PTPRO: variants seen among roughly 807,000 people sequenced by gnomAD.
PTPRO encodes the protein protein tyrosine phosphatase receptor type O.
Under a neutral mutation model 145.2 loss-of-function variants are expected in PTPRO, and 62 were observed. The ratio of observed to expected loss-of-function variants is 0.43; its 90% CI spans 0.35 to 0.53. The LOEUF (loss-of-function observed/expected upper bound fraction) is 0.53. Ranked by LOEUF, PTPRO falls within the 20% of genes least tolerant of loss-of-function variation. The pLI, the probability that PTPRO is intolerant of heterozygous loss-of-function variation, is 0.01. For missense variants in PTPRO, 1,345 were observed against 1,482.7 expected (o/e 0.91, Z 1.53); for synonymous variants, 565 against 514.7 (o/e 1.10, Z -1.32).
intron 1 of PTPRO, among the ~76,000 whole-genome samples, chr12:15,324,638 G>A (rs559465051): frequency 6.6e-6 from 1 of 152,158 alleles, no homozygotes; most frequent in East Asian, 1.9e-4. Context: ...AATTTTGTAA[G>A]AAAAATCATT....
At chr12:15,503,866 G>A in intron 5 of PTPRO, 42 bp from the exon 6 acceptor site, 1 of 1,502,616 alleles carries the variant, frequency 6.7e-7, no homozygotes, top group Non-Finnish European at 9.2e-7. Context: ...GGCCTTTCCA[G>A]GTGTCTATTC....
chr12:15,338,611 T>A (rs904977201), intron 1 of PTPRO, among the ~76,000 whole-genome samples: 1 of 152,154 alleles, frequency 6.6e-6, no homozygotes, highest in Non-Finnish European at 1.5e-5. Context: ...AACATTTTAA[T>A]GACTCTTCAG....
At chr12:15,336,165 T>C (rs1866755568) in intron 1 of PTPRO, among the ~76,000 whole-genome samples, 1 of 151,862 alleles carries the variant, frequency 6.6e-6, no homozygotes, top group Non-Finnish European at 1.5e-5. Flanking sequence ...CATTCCAAAA[T>C]AGCTACCATC....
At chr12:15,576,962 GAACT>G (rs1365124771) in intron 19 of PTPRO, among the ~76,000 whole-genome samples, 2 of 152,022 alleles carry the variant, frequency 1.3e-5, no homozygotes, top group East Asian at 1.9e-4. Flanking sequence ...CTACCAAAAG[GAACT>G]AACCTAAACA....
intron 12 of PTPRO, among the ~76,000 whole-genome samples, chr12:15,542,344 A>C (rs1429509866): frequency 2.6e-5 from 4 of 152,208 alleles, no homozygotes; most frequent in African/African-American, 9.7e-5. Context: ...AATTTCACTA[A>C]AAGTATCTCA....
intron 22 of PTPRO, 125 bp from the exon 23 acceptor site, chr12:15,581,554 G>A: frequency 8.7e-7 from 1 of 1,144,232 alleles, no homozygotes; most frequent in Non-Finnish European, 1.3e-6. Context: ...TTTGCTTTAT[G>A]TTTCATCTTC....
chr12:15,343,438 G>A (rs970915347), intron 1 of PTPRO, among the ~76,000 whole-genome samples: 2 of 151,938 alleles, frequency 1.3e-5, no homozygotes, highest in African/African-American at 4.8e-5. Flanking sequence ...TATAATCTCA[G>A]CATTTTGGGA....
intron 1 of PTPRO, among the ~76,000 whole-genome samples, chr12:15,459,753 A>G (rs1941259963): frequency 6.6e-6 from 1 of 152,234 alleles, no homozygotes; most frequent in Non-Finnish European, 1.5e-5. Flanking sequence ...TTTCATGCAC[A>G]CTATCTCATT....
chr12:15,557,394 A>T, intron 15 of PTPRO, 61 bp from the exon 16 acceptor site: 2 of 1,391,890 alleles, frequency 1.4e-6, no homozygotes, highest in Non-Finnish European at 2.0e-6. Context: ...CTTTACTTTT[A>T]GGTCAACGTA....
At chr12:15,361,331 C>T (rs184460802) in intron 1 of PTPRO, among the ~76,000 whole-genome samples, 26 of 149,472 alleles carry the variant, frequency 1.7e-4, no homozygotes, top group African/African-American at 5.2e-4. Context: ...CTCAACTACT[C>T]GGGAAGCTGA....
At chr12:15,435,980 C>A (rs115118752) in intron 1 of PTPRO, among the ~76,000 whole-genome samples, 3,478 of 152,250 alleles carry the variant, frequency 0.023, 146 homozygotes, top group African/African-American at 0.079. Context: ...CTACCGTGTA[C>A]CAATATGTTC....
At chr12:15,451,844 C>G (rs1941054076) in intron 1 of PTPRO, among the ~76,000 whole-genome samples, 1 of 152,172 alleles carries the variant, frequency 6.6e-6, no homozygotes. Flanking sequence ...ACAGCAAAGG[C>G]TGTGCTGAGA....
At chr12:15,533,928 A>G (rs1256102393) in intron 12 of PTPRO, among the ~76,000 whole-genome samples, 1 of 152,118 alleles carries the variant, frequency 6.6e-6, no homozygotes, top group Non-Finnish European at 1.5e-5. Context: ...TTCTACCTCT[A>G]TAGAAAGAAA....
chr12:15,466,431 A>C (rs1023849944), intron 1 of PTPRO, among the ~76,000 whole-genome samples: 1 of 152,196 alleles, frequency 6.6e-6, no homozygotes, highest in Non-Finnish European at 1.5e-5. Flanking sequence ...GATTTTTAGC[A>C]TGATGTTGAG....
chr12:15,389,292 A>G (rs1939123006), intron 1 of PTPRO, among the ~76,000 whole-genome samples: 2 of 152,060 alleles, frequency 1.3e-5, no homozygotes, highest in Middle Eastern at 3.4e-3. Flanking sequence ...TATTTTTAGT[A>G]GAGACGGGGT....
rs115471895 is a variant in PTPRO, at chr12:15,478,284, G to A, written c.76-5690G>A. Among the ~76,000 whole-genome samples the A allele has an allele frequency of 4.1e-3, 620 of 152,302 alleles. 5 individuals are homozygous for A. The highest frequency in any genetic ancestry group is 0.014 in the African/African-American group (586 of 41,568). On this transcript the variant is annotated intron_variant, in intron 1 of 26. Coordinates refer to ENST00000281171, the MANE Select transcript of PTPRO (RefSeq NM_030667.3). The stretch of plus-strand genomic sequence containing the variant: ...GAAAAGAGATCAAGCATCTATGATA[G>A]CAACCTAGACCTTTCTAGTCATATT...
intron 1 of PTPRO, among the ~76,000 whole-genome samples, chr12:15,409,727 A>C (rs76726096): frequency 1.3e-5 from 2 of 152,164 alleles, no homozygotes; most frequent in Non-Finnish European, 2.9e-5. Flanking sequence ...GAGCAGGTGC[A>C]AGTGAGTGCA....
chr12:15,540,991 G>A (rs555977737), intron 12 of PTPRO, among the ~76,000 whole-genome samples: 2 of 152,318 alleles, frequency 1.3e-5, no homozygotes, highest in African/African-American at 4.8e-5. Context: ...AGCAATATTA[G>A]AAAGCTTTTA....
At chr12:15,387,700 T>C (rs1237886170) in intron 1 of PTPRO, among the ~76,000 whole-genome samples, 1 of 152,226 alleles carries the variant, frequency 6.6e-6, no homozygotes, top group African/African-American at 2.4e-5. Flanking sequence ...TGGTACTATA[T>C]ATTTCTGCTG....
Sources: gnomAD v4.1 joint callset for allele counts (sites outside exome capture counted in the v4.1 genomes callset) on GRCh38, gnomAD v4.1.1 for gene constraint, MANE v1.5 for transcripts, NCBI Gene and HGNC (gene_info 2026-07-23, HGNC 2026-07-21) for gene names.